PDCD6IP: variants seen among roughly 807,000 people sequenced by gnomAD.
PDCD6IP encodes programmed cell death 6 interacting protein.
In PDCD6IP, 43 loss-of-function variants were observed where a neutral mutation model predicts 103.7. The ratio of observed to expected loss-of-function variants is 0.41; its 90% confidence interval spans 0.32 to 0.53. The LOEUF (loss-of-function observed/expected upper bound fraction) is 0.53, where lower values mean the gene tolerates loss of function less well. Among genes scored for constraint, PDCD6IP ranks in the 20% least tolerant of loss-of-function variants. The pLI, the probability that PDCD6IP is intolerant of heterozygous loss-of-function variation, is 0.16. For missense variants in PDCD6IP, 871 were observed against 1,036.7 expected, an observed-to-expected ratio of 0.84 and a Z score of 2.20; for synonymous variants, 354 against 378.7, an observed-to-expected ratio of 0.93 and a Z score of 0.76.
Position 33,836,066 on chromosome 3 carries a change from C to A in PDCD6IP, c.857C>A (p.Thr286Lys). 1 of 1,593,766 alleles carries A rather than the reference C, an allele frequency of 6.3e-7. No individual in the cohort carries two copies. The highest frequency in any genetic ancestry group is 8.6e-7 in the Non-Finnish European group (1 of 1,164,738). Residue 286 changes from threonine (T) to lysine (K), a missense_variant, in exon 8 of 18, where the codon ACA becomes AAA. Physicochemically the swap from Thr to Lys is moderately conservative, Grantham distance 78. This residue lies in a region of PDCD6IP where 242 missense variants were observed against 250.7 expected (regional missense o/e 0.97). Coordinates refer to ENST00000307296, the MANE Select transcript of PDCD6IP (RefSeq NM_013374.6). The part of the protein sequence containing the change: ...RLQHAAELIK[T>K]VASRYDEYVN... Reference sequence around the variant, plus strand: ...TAGCATGCAGCAGAACTGATTAAAACAGTGGCATCTCGCTATGATGAATAT... The same window carrying A: ...TAGCATGCAGCAGAACTGATTAAAAAAGTGGCATCTCGCTATGATGAATAT...
At chr3:33,856,110 G>T (rs1226040815) in intron 15 of PDCD6IP, among the ~76,000 whole-genome samples, 1 of 152,204 alleles carries the variant, frequency 6.6e-6, no homozygotes, top group Non-Finnish European at 1.5e-5. Flanking sequence ...GATCTAGGTT[G>T]TGCATTCCTT....
chr3:33,799,773 A>G (rs764739960), intron 1 of PDCD6IP, among the ~76,000 whole-genome samples: 3 of 152,276 alleles, frequency 2.0e-5, no homozygotes, highest in African/African-American at 7.2e-5. Flanking sequence ...GAGAATCACA[A>G]TTGTATTCCA....
chr3:33,822,180 A>G (rs942969677), intron 4 of PDCD6IP, 98 bp downstream of exon 4: 17 of 1,256,222 alleles, frequency 1.4e-5, no homozygotes, highest in Admixed American at 4.0e-5. Context: ...CTTACGCAAC[A>G]GATGTTTTCT....
rs759567214 is a variant in PDCD6IP, at chr3:33,863,989, ACT to A, written c.2121-14_2121-13del. ...TTTTTCTATCATGTTAATTTTTAAC[ACT>A]CTGTCTTTGATAAGGGACTTGCAAC... On this transcript the variant is annotated splice_polypyrimidine_tract_variant and intron_variant, in intron 15 of 17. Coordinates refer to ENST00000307296, the MANE Select transcript of PDCD6IP (RefSeq NM_013374.6). 9 of 1,568,294 alleles carry A rather than the reference ACT, an allele frequency of 5.7e-6. No homozygotes were observed. Among genetic ancestry groups the A allele is most frequent in the Admixed American group, 1.7e-5 (1 of 58,612 alleles).
At chr3:33,823,934 G>A (rs1325945198) in intron 4 of PDCD6IP, among the ~76,000 whole-genome samples, 1 of 152,120 alleles carries the variant, frequency 6.6e-6, no homozygotes, top group African/African-American at 2.4e-5. Context: ...GTTCACAGCA[G>A]GGCACCTGGT....
intron 4 of PDCD6IP, among the ~76,000 whole-genome samples, chr3:33,822,677 A>G (rs766151732): frequency 3.3e-5 from 5 of 152,050 alleles, no homozygotes; most frequent in Non-Finnish European, 7.4e-5. Context: ...TTATTTTGAG[A>G]CGGAGTCTTG....
At chr3:33,831,716 C>T (rs1032929764) in intron 7 of PDCD6IP, among the ~76,000 whole-genome samples, 19 of 151,650 alleles carry the variant, frequency 1.3e-4, no homozygotes, top group Non-Finnish European at 2.2e-4. Flanking sequence ...CCATTAATTT[C>T]TTGTTTTTTT....
At chr3:33,816,993 T>C (rs1696867717) in intron 3 of PDCD6IP, among the ~76,000 whole-genome samples, 1 of 152,198 alleles carries the variant, frequency 6.6e-6, no homozygotes, top group Non-Finnish European at 1.5e-5. Context: ...AAATTGGTAA[T>C]TAAATGTCCT....
At chr3:33,843,564 A>G (rs1697521412) in intron 10 of PDCD6IP, among the ~76,000 whole-genome samples, 1 of 152,214 alleles carries the variant, frequency 6.6e-6, no homozygotes, top group Non-Finnish European at 1.5e-5. Context: ...CAAGTTTGCT[A>G]TTCTTTGTCC....
At chr3:33,827,039 C>T (rs945910372) in intron 6 of PDCD6IP, 3 of 985,048 alleles carry the variant, frequency 3.0e-6, no homozygotes, top group Non-Finnish European at 2.4e-6. Context: ...TCATCTGATA[C>T]TTTGATTAGA....
At chr3:33,805,908 C>T (rs900423020) in intron 1 of PDCD6IP, among the ~76,000 whole-genome samples, 4 of 151,932 alleles carry the variant, frequency 2.6e-5, no homozygotes, top group African/African-American at 4.8e-5. Context: ...CTACGCCCGG[C>T]TAATTTTTTT....
At chr3:33,816,896 T>A (rs114540933) in intron 3 of PDCD6IP, among the ~76,000 whole-genome samples, 2,291 of 152,164 alleles carry the variant, frequency 0.015, 54 homozygotes, top group African/African-American at 0.052. Context: ...GACACTTGAG[T>A]GATGAACTCA....
chr3:33,848,232 T>C lies in PDCD6IP; in HGVS notation c.1641+2644T>C, dbSNP rs185523854. Among the ~76,000 whole-genome samples, 12 of 152,312 alleles carry C rather than the reference T, an allele frequency of 7.9e-5. No homozygotes were observed. The East Asian group carries it at 2.3e-3, about 29-fold the overall frequency. ...CTATTCCAGAACTGTGCTGAGTACC[T>C]TGGTCCCTAACATAAAGAGACAAAA... On this transcript the variant is annotated intron_variant, in intron 12 of 17. Coordinates refer to ENST00000307296, the MANE Select transcript of PDCD6IP (RefSeq NM_013374.6).
intron 14 of PDCD6IP, among the ~76,000 whole-genome samples, chr3:33,854,321 T>C (rs571656206): frequency 1.3e-5 from 2 of 152,246 alleles, no homozygotes; most frequent in African/African-American, 4.8e-5. Context: ...TTGACTAATT[T>C]GATGAATTTT....
At chr3:33,805,391 A>G (rs1212632026) in intron 1 of PDCD6IP, among the ~76,000 whole-genome samples, 2 of 151,736 alleles carry the variant, frequency 1.3e-5, no homozygotes, top group Non-Finnish European at 1.5e-5. Flanking sequence ...CTTTTTAAAA[A>G]TTAAATATAG....
chr3:33,798,662 C>T lies in PDCD6IP; in HGVS notation c.-67C>T, dbSNP rs879131178. 10 of 1,394,466 alleles carry T rather than the reference C, an allele frequency of 7.2e-6. No individual in the cohort carries two copies. In the South Asian group the frequency reaches 1.4e-4, roughly 20 times the overall value. 86.4% of individuals were successfully genotyped at this position (1,394,466 alleles called of 1,614,324 possible). A position where few individuals can be genotyped will look rare whatever the true frequency, so the allele number is the denominator to read the frequency against. ...CCGCCAGTCCGCCAGCCCAGTACCTCTCTCTCCTCGGCCCTCGTAAGCTGT... is the reference window on the plus strand; with the variant it reads ...CCGCCAGTCCGCCAGCCCAGTACCTTTCTCTCCTCGGCCCTCGTAAGCTGT... On this transcript the variant is annotated 5_prime_UTR_variant, in exon 1 of 18. Coordinates refer to ENST00000307296, the MANE Select transcript of PDCD6IP (RefSeq NM_013374.6).
At chr3:33,825,491 G>T in intron 5 of PDCD6IP, 151 bp downstream of exon 5, 1 of 620,304 alleles carries the variant, frequency 1.6e-6, no homozygotes, top group Non-Finnish European at 2.7e-6. Context: ...ATCCTTTTCT[G>T]AATTTGTGGC....
At chr3:33,852,888 T>G (rs1295563936) in intron 13 of PDCD6IP, 152 bp downstream of exon 13, 17 of 987,250 alleles carry the variant, frequency 1.7e-5, no homozygotes, top group Non-Finnish European at 2.0e-5. Flanking sequence ...AAAATTAAAC[T>G]TGGCACATCA....
chr3:33,837,613 G>A (rs1697378232), intron 8 of PDCD6IP, among the ~76,000 whole-genome samples: 1 of 149,266 alleles, frequency 6.7e-6, no homozygotes, highest in African/African-American at 2.5e-5. Context: ...TTTTGAGACC[G>A]AGTCTTGCTC....
Sources: gnomAD v4.1 joint callset for allele counts (sites outside exome capture counted in the v4.1 genomes callset) on GRCh38, gnomAD v4.1.1 for gene constraint, gnomAD v4.1.1 regional missense constraint, MANE v1.5 for transcripts, NCBI Gene and HGNC (gene_info 2026-07-23, HGNC 2026-07-21) for gene names.